The following DNAH3 variants were observed in gnomAD, a reference collection of about 807,000 sequenced individuals.
DNAH3 encodes axonemal beta dynein heavy chain 3.
A neutral mutation model predicts 432.5 loss-of-function variants in DNAH3; 332 were observed. That is an observed-to-expected ratio of 0.77 (90% confidence interval 0.70 to 0.84). The LOEUF is 0.84. Ranked by LOEUF, DNAH3 falls within the 40% of genes least tolerant of loss-of-function variation. DNAH3 has a pLI of 0.00. For synonymous variants in DNAH3, 1,956 were observed against 1,900.2 expected (o/e 1.03, Z -0.76); for missense variants, 4,861 against 5,114.0 (o/e 0.95, Z 1.51).
At chr16:21,159,061 C>T (rs1042019365) in intron 1 of DNAH3, among the ~76,000 whole-genome samples, 1 of 151,806 alleles carries the variant, frequency 6.6e-6, no homozygotes, top group Non-Finnish European at 1.5e-5. Flanking sequence ...TAGCTAGCAC[C>T]ACCACACCCC....
intron 33 of DNAH3, among the ~76,000 whole-genome samples, chr16:21,039,214 CTTTT>C (rs200708542): frequency 7.9e-6 from 1 of 125,984 alleles, no homozygotes; most frequent in African/African-American, 3.2e-5. Context: ...TATAGTGTTG[CTTTT>C]TTTTTTTTTT....
chr16:21,089,612 T>C (rs934243406), intron 18 of DNAH3, among the ~76,000 whole-genome samples: 3 of 152,046 alleles, frequency 2.0e-5, no homozygotes, highest in Non-Finnish European at 2.9e-5. Context: ...TTATAAATAA[T>C]CCATAGGTCC....
chr16:20,961,155 A>G (rs1426504197), intron 53 of DNAH3, among the ~76,000 whole-genome samples: 2 of 152,220 alleles, frequency 1.3e-5, no homozygotes, highest in African/African-American at 4.8e-5. Flanking sequence ...AGGATTACAT[A>G]TGGTCTCTGT....
In DNAH3 at chr16:20,985,041, CT is replaced by C; in HGVS notation, c.7665+35del. 6.3e-7 allele frequency: 1 copy of C among 1,581,662 alleles called. No homozygotes were observed. The highest frequency in any genetic ancestry group is 8.6e-7 in the Non-Finnish European group (1 of 1,164,654). On this transcript the variant is annotated intron_variant, in intron 48 of 61. Transcript: ENST00000261383. Reference sequence around the variant, plus strand: ...GAACAAGGGCAAATGGAGTTTTCTTCTTCTTACCGAGGACAATGTGAAGGTT... The same window carrying C: ...GAACAAGGGCAAATGGAGTTTTCTTCTCTTACCGAGGACAATGTGAAGGTT...
Position 21,081,593 on chromosome 16 carries a change from C to T in DNAH3, c.2969+43G>A, listed in dbSNP as rs372652206. 3.1e-5 allele frequency: 47 copies of T among 1,532,474 alleles called. No individual in the cohort carries two copies. In the African/African-American group the frequency reaches 6.0e-4, roughly 20 times the overall value. The allele number at this position is 1,532,474 out of a possible 1,614,324, so 94.9% of individuals were successfully genotyped here. A position where few individuals can be genotyped will look rare whatever the true frequency, so the allele number is the denominator to read the frequency against. ...CAGATCACTGTGGGAACTTACAGAT[C>T]CTTTGACCAAAACCTTATCTGAAGG... is the stretch of plus-strand genomic sequence containing the variant. On this transcript the variant is annotated intron_variant, in intron 20 of 61. Coordinates refer to ENST00000261383, the Ensembl canonical transcript of DNAH3.
At chr16:21,009,949 G>A (rs1489675820) in intron 41 of DNAH3, among the ~76,000 whole-genome samples, 2 of 141,574 alleles carry the variant, frequency 1.4e-5, no homozygotes, top group African/African-American at 5.1e-5. Context: ...AGGAAAAGAA[G>A]GAAGGGAAGG....
chr16:20,987,405 C>T, exon 47 of DNAH3: 8 of 1,614,064 alleles, frequency 5.0e-6, no homozygotes, highest in Non-Finnish European at 6.8e-6. Context: ...ATAGAAGACC[C>T]GATAAACCTC....
At chr16:20,958,058 T>C (rs2084654472) in intron 54 of DNAH3, among the ~76,000 whole-genome samples, 1 of 150,532 alleles carries the variant, frequency 6.6e-6, no homozygotes, top group South Asian at 2.1e-4. Flanking sequence ...AAATGATACC[T>C]GGAAAACAGT....
Position 20,933,303 on chromosome 16 carries a change from GAC to G in DNAH3, c.12200_12201del (p.Cys4067SerfsTer26). 6.2e-7 allele frequency: 1 copy of G among 1,614,158 alleles called. No homozygotes were observed. Among genetic ancestry groups the G allele is most frequent in the East Asian group, 2.2e-5 (1 of 44,880 alleles). On this transcript the variant is annotated frameshift_variant, in exon 62 of 62. Coordinates refer to ENST00000261383, the Ensembl canonical transcript of DNAH3. LOFTEE classifies it high-confidence loss of function. The stretch of plus-strand genomic sequence containing the variant: ...CTGCGGGCACTTGTTTTGTAGACTG[GAC>G]ACACATAGATGTCCTGATGCAGAAA...
At chr16:20,944,340 C>T (rs1014709947) in intron 58 of DNAH3, among the ~76,000 whole-genome samples, 156 bp downstream of exon 58, 1 of 152,176 alleles carries the variant, frequency 6.6e-6, no homozygotes, top group Non-Finnish European at 1.5e-5. Flanking sequence ...ATAAGGACTC[C>T]CGGCAGTAAG....
intron 25 of DNAH3, among the ~76,000 whole-genome samples, chr16:21,060,828 C>CTTTTT (rs34315223): frequency 1.7e-4 from 20 of 118,206 alleles, no homozygotes; most frequent in East Asian, 5.0e-4. Flanking sequence ...CTGGTCTCTT[C>CTTTTT]TTTTTTTTTT....
At position 20,948,477 on chromosome 16, in the gene DNAH3, C is replaced by T. The variant is rs2084156059; in HGVS notation, c.11343+6G>A. 6.2e-7 allele frequency: 1 copy of T among 1,612,620 alleles called. No individual in the cohort carries two copies. Among genetic ancestry groups the T allele is most frequent in the African/African-American group, 1.3e-5 (1 of 74,882 alleles). ...AAAGAGGTAGGCCTCCCTGCCCACC[C>T]CTTACCTGGTAGGAGCCATGAGGAG... On this transcript the variant is annotated splice_donor_region_variant and intron_variant, in intron 57 of 61. Transcript: ENST00000261383.
intron 1 of DNAH3, chr16:21,150,450 C>A: frequency 2.6e-6 from 1 of 381,886 alleles, no homozygotes; most frequent in South Asian, 2.0e-5. Flanking sequence ...ATGACACCAA[C>A]AATGGAACTT....
At chr16:21,005,839 C>CTTT (rs200954605) in intron 41 of DNAH3, among the ~76,000 whole-genome samples, 103 of 130,742 alleles carry the variant, frequency 7.9e-4, no homozygotes, top group African/African-American at 2.8e-3. Context: ...TTGCTCTATT[C>CTTT]TTTTTTTTTT....
chr16:20,989,899 T>C (rs939577076), intron 44 of DNAH3, among the ~76,000 whole-genome samples: 2 of 152,210 alleles, frequency 1.3e-5, no homozygotes, highest in African/African-American at 4.8e-5. Context: ...AAGTCCCTCA[T>C]TGCCCGGGGC....
At position 21,124,649 on chromosome 16, in the gene DNAH3, T is replaced by G. The variant is rs1389941815; in HGVS notation, c.1404+526A>C. 2.2e-3 allele frequency among the ~76,000 whole-genome samples: 341 copies of G among 152,046 alleles called. 3 individuals carry two copies. Among genetic ancestry groups the G allele is most frequent in the African/African-American group, 7.9e-3 (327 of 41,502 alleles). On this transcript the variant is annotated intron_variant, in intron 9 of 61. Coordinates refer to ENST00000261383, the Ensembl canonical transcript of DNAH3. Reference sequence around the variant, plus strand: ...ATCTATCATCTCAAACATTTACTTTTTTTTTTTTTTCCTTTTTGAGACAGA... The same window carrying G: ...ATCTATCATCTCAAACATTTACTTTGTTTTTTTTTTCCTTTTTGAGACAGA...
intron 56 of DNAH3, 78 bp downstream of exon 56, chr16:20,952,355 T>C (rs1422028041): frequency 1.1e-6 from 1 of 881,448 alleles, no homozygotes; most frequent in Non-Finnish European, 1.9e-6. Context: ...CATAAGTGAA[T>C]GGAAATGGGA....
intron 11 of DNAH3, 101 bp from the exon 12 acceptor site, chr16:21,117,440 G>A (rs575748052): frequency 2.8e-6 from 2 of 704,522 alleles, no homozygotes; most frequent in East Asian, 5.4e-5. Context: ...AGGGCTGCCA[G>A]CTGCATTTTT....
chr16:21,024,289 G>T (rs2152715644), intron 39 of DNAH3, among the ~76,000 whole-genome samples: 1 of 152,276 alleles, frequency 6.6e-6, no homozygotes, highest in East Asian at 1.9e-4. Context: ...AATGAAGAAA[G>T]AGGTGACATT....
Sources: allele counts gnomAD v4.1 joint callset (sites outside exome capture counted in the v4.1 genomes callset), GRCh38; gene constraint gnomAD v4.1.1; transcripts MANE v1.5; gene names NCBI Gene and HGNC (gene_info 2026-07-23, HGNC 2026-07-21).